The following PTGER3 variants were observed in gnomAD, a reference collection of about 807,000 sequenced individuals.
The protein encoded by PTGER3 is prostaglandin E2 receptor EP3 subtype.
PTGER3 carries 22 observed loss-of-function variants against 34.7 expected under a neutral mutation model. The ratio of observed to expected loss-of-function variants is 0.63; its 90% confidence interval spans 0.45 to 0.91. The LOEUF is 0.91. PTGER3 is among the 40% of genes least tolerant of loss of function. The pLI, the probability that PTGER3 is intolerant of heterozygous loss-of-function variation, is 0.00. For synonymous variants in PTGER3, 241 were observed against 230.1 expected (o/e 1.05, Z -0.43); for missense variants, 468 against 519.4 (o/e 0.90, Z 0.96).
intron 4 of PTGER3, among the ~76,000 whole-genome samples, chr1:70,928,150 T>C (rs903644139): frequency 2.0e-5 from 3 of 147,392 alleles, no homozygotes; most frequent in African/African-American, 7.4e-5. Context: ...TATATATTTA[T>C]AGACATATAT....
In PTGER3 at chr1:71,010,443, G is replaced by A. The variant is rs1261836159; in HGVS notation, c.1077+1862C>T. The A allele has an allele frequency of 5.1e-6, 5 of 983,580 alleles. No individual in the cohort carries two copies. In the African/African-American group the frequency reaches 7.1e-5, roughly 14 times the overall value. The allele number at this position is 983,580 out of a possible 1,614,324, so 60.9% of individuals were successfully genotyped here. On this transcript the variant is annotated intron_variant, in intron 2 of 3. Coordinates refer to ENST00000306666, the MANE Select transcript of PTGER3 (RefSeq NM_198719.2). ...TGATTCACTGAATAAATATGTATTA[G>A]ACAGTTTCTATATTCCAGGTGCTAT...
chr1:70,953,113 A>C, intron 3 of PTGER3: 1 of 1,408,670 alleles, frequency 7.1e-7, no homozygotes, highest in Non-Finnish European at 9.5e-7. Flanking sequence ...TAACAATATG[A>C]AAATAAAAAT....
At chr1:71,025,872 C>T (rs966748687) in intron 1 of PTGER3, among the ~76,000 whole-genome samples, 5 of 152,154 alleles carry the variant, frequency 3.3e-5, no homozygotes, top group African/African-American at 1.2e-4. Context: ...CATTGAAGGC[C>T]AAACTTCCTG....
At chr1:71,037,632 G>T (rs1310616328) in intron 1 of PTGER3, among the ~76,000 whole-genome samples, 2 of 152,282 alleles carry the variant, frequency 1.3e-5, no homozygotes, top group African/African-American at 4.8e-5. Flanking sequence ...GTCCAATAGG[G>T]ACGATTTAAT....
At position 71,047,284 on chromosome 1, in the gene PTGER3, G is replaced by A. The variant is rs772939330; in HGVS notation, c.294C>T (p.Thr98=). The A allele has an allele frequency of 6.3e-7, 1 of 1,598,336 alleles. No homozygotes were observed. The highest frequency in any genetic ancestry group is 8.5e-7 in the Non-Finnish European group (1 of 1,173,440). The change falls in exon 1 of 4, where the codon ACC becomes ACT. Residue 98 remains threonine (T), a synonymous_variant. Transcript: ENST00000306666. ...FLLCIGWLAL[T]DLVGQLLTTP... is the part of the protein sequence containing the mutation. ...TGGTGAGAAGCTGCCCGACCAGGTCGGTGAGCGCCAGCCAGCCGATGCACA... is the reference window on the plus strand; with the variant it reads ...TGGTGAGAAGCTGCCCGACCAGGTCAGTGAGCGCCAGCCAGCCGATGCACA...
chr1:70,865,279 G>A (rs1467302531), intron 4 of PTGER3, among the ~76,000 whole-genome samples: 4 of 152,186 alleles, frequency 2.6e-5, no homozygotes, highest in African/African-American at 7.2e-5. Context: ...TAGGGGTGTG[G>A]TGAAGTGGGA....
chr1:70,971,315 C>T lies in PTGER3; in HGVS notation c.*415G>A. 1 of 989,480 alleles carries T rather than the reference C, an allele frequency of 1.0e-6. No homozygotes were observed. Among genetic ancestry groups the T allele is most frequent in the Middle Eastern group, 5.2e-4 (1 of 1,932 alleles). 61.3% of individuals were successfully genotyped at this position (989,480 alleles called of 1,614,324 possible). ...TCTCAATATGTTGACTTTTCACCAT[C>T]ATAAGCTTATACTGATTTTTCAAAC... On this transcript the variant is annotated 3_prime_UTR_variant, in exon 4 of 4. Transcript: ENST00000306666.
rs556908758 is a variant in PTGER3 at position 70,965,054 on chromosome 1, C to T, written c.1078-11265G>A. On this transcript the variant is annotated intron_variant, in intron 2 of 3. Coordinates refer to the PTGER3 transcript ENST00000356595. ...ATATGAAAGATGAGTGAGGGTTAGT[C>T]ACATACAGAAAGGGAGAAGGGAGTA... Among the ~76,000 whole-genome samples the T allele has an allele frequency of 5.1e-4, 78 of 152,116 alleles. 1 individual carries two copies. The highest frequency in any genetic ancestry group is 1.9e-3 in the African/African-American group (77 of 41,500).
At chr1:70,949,650 C>T (rs1650558702), downstream of PTGER3, among the ~76,000 whole-genome samples, 1 of 152,048 alleles carries the variant, frequency 6.6e-6, no homozygotes, top group Admixed American at 6.6e-5. Context: ...ACTTAACTTG[C>T]CAAATGATTT....
At chr1:70,870,866 G>A (rs1045089688) in intron 4 of PTGER3, among the ~76,000 whole-genome samples, 47 of 152,210 alleles carry the variant, frequency 3.1e-4, no homozygotes, top group African/African-American at 9.1e-4. Flanking sequence ...TCGGCATTTT[G>A]GTTACAACCA....
At chr1:70,965,857 T>G (rs887782901), downstream of PTGER3, among the ~76,000 whole-genome samples, 76 of 152,226 alleles carry the variant, frequency 5.0e-4, 2 homozygotes, top group Non-Finnish European at 2.1e-4. Flanking sequence ...GCTTGTTACT[T>G]AAGTTCTCAG....
At chr1:70,976,490 G>T (rs529881085) in intron 2 of PTGER3, among the ~76,000 whole-genome samples, 13 of 152,072 alleles carry the variant, frequency 8.5e-5, no homozygotes, top group Non-Finnish European at 1.5e-4. Context: ...GCTATGGACT[G>T]CTCCAAAAAA....
chr1:71,032,016 C>A (rs1659452306), intron 1 of PTGER3, among the ~76,000 whole-genome samples: 6 of 152,164 alleles, frequency 3.9e-5, no homozygotes, highest in Admixed American at 3.9e-4. Flanking sequence ...GAGAAAATTA[C>A]TACCATTAAA....
intron 4 of PTGER3, among the ~76,000 whole-genome samples, chr1:70,929,224 C>T (rs922606491): frequency 3.3e-5 from 5 of 152,148 alleles, no homozygotes; most frequent in African/African-American, 1.2e-4. Flanking sequence ...TTTCCTATGA[C>T]ATTAACCTTC....
chr1:70,941,256 T>G lies in PTGER3; in HGVS notation c.*23+12507A>C, dbSNP rs190588336. 1.3e-3 allele frequency among the ~76,000 whole-genome samples: 194 copies of G among 152,298 alleles called. 1 individual carries two copies. The highest frequency in any genetic ancestry group is 3.4e-3 in the Middle Eastern group (1 of 292). ...GAAACTCTGAATTTTAAGGGGAAAT[T>G]TTTGTGTTTTTTACCATTGAATACT... On this transcript the variant is annotated intron_variant, in intron 4 of 4. Coordinates refer to the PTGER3 transcript ENST00000370931.
At chr1:70,858,290 CAACGTTGA>C in intron 4 of PTGER3, among the ~76,000 whole-genome samples, 1 of 147,230 alleles carries the variant, frequency 6.8e-6, no homozygotes, top group East Asian at 2.0e-4. Flanking sequence ...AAAAAGGAAA[CAACGTTGA>C]AACAAATGCA....
intron 4 of PTGER3, chr1:70,862,368 ATCAGCTTAGCTGGACAC>A: frequency 7.3e-7 from 1 of 1,367,146 alleles, no homozygotes; most frequent in Non-Finnish European, 9.8e-7. Flanking sequence ...TCTTCAAGTC[ATCAGCTTAGCTGGACAC>A]TGCAGGGTTC....
intron 2 of PTGER3, among the ~76,000 whole-genome samples, chr1:70,975,794 C>T (rs1191212497): frequency 1.3e-5 from 2 of 152,240 alleles, no homozygotes; most frequent in East Asian, 3.9e-4. Flanking sequence ...GAAGAGTGGT[C>T]AGACTTGGAG....
chr1:71,031,279 CACACAA>C (rs746708249), intron 1 of PTGER3, among the ~76,000 whole-genome samples: 1 of 130,654 alleles, frequency 7.7e-6, no homozygotes, highest in Non-Finnish European at 1.7e-5. Context: ...CACACACACA[CACACAA>C]ACGTGCACAC....
Sources: gnomAD v4.1 joint callset for allele counts (sites outside exome capture counted in the v4.1 genomes callset) on GRCh38, gnomAD v4.1.1 for gene constraint, MANE v1.5 for transcripts, NCBI Gene and HGNC (gene_info 2026-07-23, HGNC 2026-07-21) for gene names.